The following SLC38A4 variants were observed in gnomAD, a reference collection of about 807,000 sequenced individuals.
SLC38A4 encodes solute carrier family 38 member 4.
A neutral mutation model predicts 63.1 loss-of-function variants in SLC38A4; 20 were observed. The ratio of observed to expected loss-of-function variants is 0.32; its 90% CI spans 0.22 to 0.46. SLC38A4 has a LOEUF of 0.46. Ranked by LOEUF, SLC38A4 falls within the 20% of genes least tolerant of loss-of-function variation. The probability of loss-of-function intolerance (pLI) is 1.00; values close to 1 mark genes in which losing one functional copy is unlikely to be tolerated. For missense variants in SLC38A4, 526 were observed against 663.6 expected (o/e 0.79, Z 2.28); for synonymous variants, 230 against 225.5 (o/e 1.02, Z -0.18).
chr12:46,814,287 A>G (rs1245801814), intron 1 of SLC38A4, among the ~76,000 whole-genome samples: 1 of 151,908 alleles, frequency 6.6e-6, no homozygotes, highest in Non-Finnish European at 1.5e-5. Context: ...AAATGTGAGG[A>G]TTTGACCCTG....
Position 46,780,059 on chromosome 12 carries a change from G to A in SLC38A4, c.494-29C>T, listed in dbSNP as rs771492720. The A allele has an allele frequency of 7.2e-6, 11 of 1,532,830 alleles. No homozygotes were observed. In the South Asian group the frequency reaches 1.2e-4, roughly 17 times the overall value. The allele number at this position is 1,532,830 out of a possible 1,614,324, so 95.0% of individuals were successfully genotyped here. On this transcript the variant is annotated intron_variant, in intron 7 of 16. Transcript: ENST00000266579. ...AAATGGAAAATGTGACAGCTTAATGGTGTGGACAGTACTGAAGTCACATGC... is the reference window on the plus strand; with the variant it reads ...AAATGGAAAATGTGACAGCTTAATGATGTGGACAGTACTGAAGTCACATGC...
intron 13 of SLC38A4, among the ~76,000 whole-genome samples, chr12:46,776,629 A>T (rs1178989182): frequency 6.6e-6 from 1 of 152,056 alleles, no homozygotes; most frequent in Admixed American, 6.6e-5. Flanking sequence ...CTAGCCAGAG[A>T]AATATCATCT....
intron 3 of SLC38A4, among the ~76,000 whole-genome samples, chr12:46,792,083 A>AAT (rs779809281): frequency 1.3e-5 from 2 of 152,062 alleles, no homozygotes; most frequent in East Asian, 1.9e-4. Context: ...TAAGGATGGA[A>AAT]ATTGATTCAA....
intron 2 of SLC38A4, among the ~76,000 whole-genome samples, chr12:46,796,885 C>T (rs1018097445): frequency 6.6e-6 from 1 of 152,088 alleles, no homozygotes; most frequent in Non-Finnish European, 1.5e-5. Flanking sequence ...TCTATGCCTC[C>T]TCTTTGTCTT....
In SLC38A4 at chr12:46,820,271, C is replaced by T. The variant is rs1408022935; in HGVS notation, c.-305+5632G>A. 4.6e-5 allele frequency among the ~76,000 whole-genome samples: 7 copies of T among 151,962 alleles called. No homozygotes were observed. In the East Asian group the frequency reaches 1.2e-3, roughly 25 times the overall value. ...ATAGGCATTATGCTATACAGCAGAT[C>T]TCTAGAACTAACTCATCTTGCATAA... On this transcript the variant is annotated intron_variant, in intron 1 of 16. Transcript: ENST00000266579.
chr12:46,785,025 T>C, intron 6 of SLC38A4, 79 bp downstream of exon 6: 1 of 1,139,212 alleles, frequency 8.8e-7, no homozygotes, highest in African/African-American at 1.5e-5. Context: ...ATAATCATCC[T>C]AAGGTTATGA....
chr12:46,786,419 T>A (rs1482035178), intron 5 of SLC38A4, among the ~76,000 whole-genome samples: 1 of 152,048 alleles, frequency 6.6e-6, no homozygotes, highest in East Asian at 1.9e-4. Context: ...CTGCTAAGTG[T>A]TTATAAGCCT....
intron 7 of SLC38A4, among the ~76,000 whole-genome samples, chr12:46,784,115 G>A (rs925716516): frequency 3.9e-5 from 6 of 152,042 alleles, no homozygotes; most frequent in African/African-American, 7.2e-5. Context: ...TGCAGGCTGC[G>A]TTTCAAGGAC....
In SLC38A4 at chr12:46,784,647, A is replaced by G. The variant is rs977412440; in HGVS notation, c.401-13T>C. 8.2e-6 allele frequency: 13 copies of G among 1,592,090 alleles called. No individual in the cohort carries two copies. Among genetic ancestry groups the G allele is most frequent in the Admixed American group, 1.7e-5 (1 of 59,280 alleles). The stretch of plus-strand genomic sequence containing the variant: ...TAAATCAAAGACCCTACAATCAAAG[A>G]TAAAATAGCCTTGTTAAAGAGATTG... On this transcript the variant is annotated splice_polypyrimidine_tract_variant and intron_variant, in intron 6 of 16. Transcript: ENST00000266579.
At chr12:46,822,118 C>T (rs1165708269) in intron 1 of SLC38A4, among the ~76,000 whole-genome samples, 1 of 151,994 alleles carries the variant, frequency 6.6e-6, no homozygotes, top group Non-Finnish European at 1.5e-5. Context: ...GAAATGTATG[C>T]ATATGAAATG....
At chr12:46,794,142 C>T (rs1057207569) in intron 2 of SLC38A4, among the ~76,000 whole-genome samples, 19 of 152,048 alleles carry the variant, frequency 1.2e-4, no homozygotes, top group Non-Finnish European at 2.4e-4. Context: ...AGCAGAGAAA[C>T]TAACATAAAA....
chr12:46,781,237 A>T (rs1052833055), intron 7 of SLC38A4, among the ~76,000 whole-genome samples: 1 of 152,062 alleles, frequency 6.6e-6, no homozygotes, highest in African/African-American at 2.4e-5. Flanking sequence ...GACGGACTAC[A>T]TCTAAAACAG....
At chr12:46,778,843 C>T (rs1253323579) in intron 10 of SLC38A4, 67 bp from the exon 11 acceptor site, 2 of 1,472,278 alleles carry the variant, frequency 1.4e-6, no homozygotes, top group African/African-American at 2.8e-5. Flanking sequence ...AATAAGAATC[C>T]ATATGTGTGG....
intron 5 of SLC38A4, among the ~76,000 whole-genome samples, 193 bp downstream of exon 5, chr12:46,787,723 G>A (rs1161218879): frequency 6.6e-6 from 1 of 152,172 alleles, no homozygotes; most frequent in South Asian, 2.1e-4. Context: ...TGGCGAGGCT[G>A]CTCCAGCACT....
chr12:46,809,199 C>A (rs950336383), intron 1 of SLC38A4, among the ~76,000 whole-genome samples: 1 of 151,930 alleles, frequency 6.6e-6, no homozygotes, highest in African/African-American at 2.4e-5. Flanking sequence ...CAAGGGGGCC[C>A]TCCTAAATGG....
chr12:46,768,453 T>C, intron 15 of SLC38A4, 46 bp from the exon 16 acceptor site: 1 of 1,442,404 alleles, frequency 6.9e-7, no homozygotes. Context: ...ACCCAGCAGT[T>C]CCTAGCAAAG....
At position 46,765,642 on chromosome 12, in the gene SLC38A4, A is replaced by T. The variant is rs1046237447; in HGVS notation, c.*1059T>A. 1.1e-5 allele frequency: 2 copies of T among 184,440 alleles called. No individual in the cohort carries two copies. Among genetic ancestry groups the T allele is most frequent in the Admixed American group, 1.2e-4 (2 of 16,954 alleles). The allele number at this position is 184,440 out of a possible 1,614,324, so 11.4% of individuals were successfully genotyped here. A position where few individuals can be genotyped will look rare whatever the true frequency, so the allele number is the denominator to read the frequency against. The stretch of plus-strand genomic sequence containing the variant: ...AACTTAATTCCCTGCCCCCACCCCC[A>T]ATAATATAAATGCTTTGACTGTGAA... On this transcript the variant is annotated 3_prime_UTR_variant, in exon 17 of 17. Coordinates refer to ENST00000266579, the MANE Select transcript of SLC38A4 (RefSeq NM_018018.5).
At chr12:46,778,905 T>C in intron 10 of SLC38A4, 129 bp from the exon 11 acceptor site, 1 of 789,790 alleles carries the variant, frequency 1.3e-6, no homozygotes. Flanking sequence ...TTTAGACTAA[T>C]GGACAAAGTA....
intron 1 of SLC38A4, among the ~76,000 whole-genome samples, chr12:46,823,816 C>G (rs1228833087): frequency 6.6e-6 from 1 of 152,146 alleles, no homozygotes; most frequent in African/African-American, 2.4e-5. Context: ...CTAAGCCTTC[C>G]AGGTACTATT....
Sources: gnomAD v4.1 joint callset for allele counts (sites outside exome capture counted in the v4.1 genomes callset) on GRCh38, gnomAD v4.1.1 for gene constraint, MANE v1.5 for transcripts, NCBI Gene and HGNC (gene_info 2026-07-23, HGNC 2026-07-21) for gene names.